The following ME3 variants were observed in gnomAD, a reference collection of about 807,000 sequenced individuals.
ME3 encodes NADP-dependent malic enzyme, mitochondrial.
Under a neutral mutation model 68.9 loss-of-function variants are expected in ME3, and 48 were observed. That is an observed-to-expected ratio of 0.70 (90% CI 0.55 to 0.89). The LOEUF (loss-of-function observed/expected upper bound fraction) is 0.89, where lower values mean the gene tolerates loss of function less well. Among genes scored for constraint, ME3 ranks in the 40% least tolerant of loss-of-function variants. ME3 has a pLI of 0.00. For missense variants in ME3, 675 were observed against 797.4 expected, an observed-to-expected ratio of 0.85 and a Z score of 1.85; for synonymous variants, 320 against 318.8, an observed-to-expected ratio of 1.00 and a Z score of -0.04.
intron 7 of ME3, among the ~76,000 whole-genome samples, chr11:86,480,863 G>T (rs1047315612): frequency 6.6e-6 from 1 of 152,120 alleles, no homozygotes; most frequent in African/African-American, 2.4e-5. Flanking sequence ...CCATGGCAGG[G>T]TGAGCTCAGA....
chr11:86,654,473 TA>T (rs1463900960), intron 2 of ME3, among the ~76,000 whole-genome samples: 1 of 152,172 alleles, frequency 6.6e-6, no homozygotes, highest in Non-Finnish European at 1.5e-5. Flanking sequence ...ATCCAGCATA[TA>T]AACAGAACCA....
At chr11:86,608,363 A>G (rs1942308758) in intron 2 of ME3, among the ~76,000 whole-genome samples, 1 of 152,174 alleles carries the variant, frequency 6.6e-6, no homozygotes, top group Non-Finnish European at 1.5e-5. Flanking sequence ...ACCACTCTGT[A>G]ATGAAGCCCA....
At chr11:86,614,678 T>C (rs77463401) in intron 2 of ME3, among the ~76,000 whole-genome samples, 8,368 of 152,228 alleles carry the variant, frequency 0.055, 270 homozygotes, top group Middle Eastern at 0.12. Flanking sequence ...ATGGATTTTT[T>C]TTCATAGTCT....
At chr11:86,446,690 A>G (rs1479014093) in intron 12 of ME3, among the ~76,000 whole-genome samples, 1 of 152,208 alleles carries the variant, frequency 6.6e-6, no homozygotes, top group Non-Finnish European at 1.5e-5. Context: ...AGCAGCCAAG[A>G]AACTGCTGAA....
chr11:86,558,024 G>A (rs17149180), intron 3 of ME3, among the ~76,000 whole-genome samples: 13,669 of 152,128 alleles, frequency 0.09, 704 homozygotes, highest in African/African-American at 0.13. Context: ...GGAAATAAGC[G>A]GGTCAAGGTG....
chr11:86,448,085 G>C (rs1251048449), intron 11 of ME3, 65 bp downstream of exon 11: 3 of 1,163,998 alleles, frequency 2.6e-6, no homozygotes, highest in South Asian at 2.6e-5. Flanking sequence ...CTGAGCCTCT[G>C]TCTCTCCATC....
At chr11:86,600,568 C>T (rs959629354) in intron 2 of ME3, among the ~76,000 whole-genome samples, 5 of 149,858 alleles carry the variant, frequency 3.3e-5, no homozygotes, top group African/African-American at 1.2e-4. Context: ...ACAAGGATAC[C>T]CAGGAATTGA....
intron 4 of ME3, among the ~76,000 whole-genome samples, chr11:86,536,272 A>G (rs1342982768): frequency 6.6e-6 from 1 of 151,416 alleles, no homozygotes; most frequent in African/African-American, 2.4e-5. Context: ...AACAAAAGAC[A>G]AAATTGACAA....
chr11:86,475,870 T>TAGAGAG (rs1425139692), intron 7 of ME3, among the ~76,000 whole-genome samples: 187 of 106,474 alleles, frequency 1.8e-3, no homozygotes, highest in Middle Eastern at 5.1e-3. Flanking sequence ...TATATATATA[T>TAGAGAG]ATATAGAGAG....
intron 2 of ME3, among the ~76,000 whole-genome samples, chr11:86,563,356 A>ATAGCCAT (rs1274844983): frequency 6.6e-6 from 1 of 152,132 alleles, no homozygotes; most frequent in East Asian, 1.9e-4. Context: ...CTTTTTGATA[A>ATAGCCAT]TAGCCATTCT....
chr11:86,544,409 C>T (rs755231627), intron 4 of ME3, among the ~76,000 whole-genome samples: 1 of 151,984 alleles, frequency 6.6e-6, no homozygotes, highest in South Asian at 2.1e-4. Flanking sequence ...CACTGCTAGC[C>T]AGACTAATAA....
chr11:86,448,114 G>A (rs1423297814), intron 11 of ME3, 36 bp downstream of exon 11: 2 of 1,461,308 alleles, frequency 1.4e-6, no homozygotes, highest in South Asian at 2.3e-5. Flanking sequence ...AAGAGGGTTA[G>A]CTGGGCTGGG....
chr11:86,574,342 AT>A (rs1168946991), intron 2 of ME3, among the ~76,000 whole-genome samples: 1 of 119,964 alleles, frequency 8.3e-6, no homozygotes, highest in Admixed American at 1.1e-4. Flanking sequence ...ATCTTCCCGG[AT>A]TTATCTACCT....
At chr11:86,528,449 A>G (rs569174180) in intron 4 of ME3, among the ~76,000 whole-genome samples, 17 of 152,304 alleles carry the variant, frequency 1.1e-4, no homozygotes, top group Middle Eastern at 3.4e-3. Flanking sequence ...CAGATCAATG[A>G]GACAGAAAGT....
intron 2 of ME3, among the ~76,000 whole-genome samples, chr11:86,630,293 A>T (rs1943930732): frequency 6.6e-6 from 1 of 152,152 alleles, no homozygotes; most frequent in South Asian, 2.1e-4. Context: ...CCTGACTGAC[A>T]GCGCTTGGTT....
At chr11:86,525,610 C>T (rs773581050) in intron 4 of ME3, among the ~76,000 whole-genome samples, 2 of 152,118 alleles carry the variant, frequency 1.3e-5, no homozygotes, top group African/African-American at 4.8e-5. Flanking sequence ...CGCCTGTAGT[C>T]CCAGCACTCT....
chr11:86,658,389 C>T (rs983508329), intron 2 of ME3, among the ~76,000 whole-genome samples: 6 of 151,986 alleles, frequency 3.9e-5, no homozygotes, highest in African/African-American at 1.5e-4. Flanking sequence ...TCTCAAAATG[C>T]TGGGATTATA....
At chr11:86,545,270 G>T (rs1956295090) in intron 4 of ME3, among the ~76,000 whole-genome samples, 1 of 152,226 alleles carries the variant, frequency 6.6e-6, no homozygotes, top group Non-Finnish European at 1.5e-5. Context: ...AGACAAGGAT[G>T]CCCTCTTTCA....
rs767978942 is a variant in ME3, at chr11:86,502,515, G to A, written c.544-4391C>T. Among the ~76,000 whole-genome samples the A allele has an allele frequency of 4.7e-4, 71 of 152,192 alleles. 2 individuals are homozygous for A. Among genetic ancestry groups the A allele is most frequent in the Non-Finnish European group, 8.2e-4 (56 of 68,036 alleles). On this transcript the variant is annotated intron_variant, in intron 5 of 14. Transcript: ENST00000543262. ...ACAGAGAAAACAAAGTGTCTTCTGC[G>A]CTGAACAGAGTTCAGACCTGCTGTG... is the stretch of plus-strand genomic sequence containing the variant.
Sources: gnomAD v4.1 joint callset for allele counts (sites outside exome capture counted in the v4.1 genomes callset) on GRCh38, gnomAD v4.1.1 for gene constraint, MANE v1.5 for transcripts, NCBI Gene and HGNC (gene_info 2026-07-23, HGNC 2026-07-21) for gene names.